ASIC2: variants seen among roughly 807,000 people sequenced by gnomAD.
ASIC2 encodes acid-sensing ion channel 2.
A neutral mutation model predicts 57.3 loss-of-function variants in ASIC2; 25 were observed. That is an observed-to-expected ratio of 0.44 (90% CI 0.32 to 0.61). The LOEUF (loss-of-function observed/expected upper bound fraction) is 0.61, where lower values mean the gene tolerates loss of function less well. ASIC2 is among the 20% of genes least tolerant of loss of function. ASIC2 has a pLI of 0.06. For synonymous variants in ASIC2, 319 were observed against 307.5 expected, an observed-to-expected ratio of 1.04 and a Z score of -0.39; for missense variants, 641 against 738.1, an observed-to-expected ratio of 0.87 and a Z score of 1.52.
intron 1 of ASIC2, among the ~76,000 whole-genome samples, chr17:33,506,580 G>T (rs1914270388): frequency 6.6e-6 from 1 of 152,188 alleles, no homozygotes. Flanking sequence ...GGGGGTGTGT[G>T]TGTGTGTACC....
intron 1 of ASIC2, among the ~76,000 whole-genome samples, chr17:33,421,072 A>G (rs893872895): frequency 1.6e-4 from 25 of 152,290 alleles, no homozygotes; most frequent in African/African-American, 5.8e-4. Context: ...TGGTAGAACA[A>G]AAAAGGTCAT....
intron 1 of ASIC2, among the ~76,000 whole-genome samples, chr17:34,010,414 A>G (rs1194181491): frequency 6.6e-6 from 1 of 152,186 alleles, no homozygotes; most frequent in Non-Finnish European, 1.5e-5. Flanking sequence ...CTGGGTGCTC[A>G]AGCTGTGCAC....
intron 1 of ASIC2, among the ~76,000 whole-genome samples, chr17:33,953,244 T>C (rs1399693952): frequency 6.6e-6 from 1 of 152,192 alleles, no homozygotes; most frequent in African/African-American, 2.4e-5. Context: ...ACACATTTTC[T>C]ACAATGAGCA....
intron 1 of ASIC2, among the ~76,000 whole-genome samples, chr17:34,026,001 A>G (rs4451997): frequency 0.48 from 72,769 of 152,058 alleles, 17,986 homozygotes; most frequent in East Asian, 0.66. Context: ...TGAAATGGGT[A>G]TGGTGGGTTT....
chr17:33,512,811 T>C lies in ASIC2; in HGVS notation c.556-400744A>G, dbSNP rs936118407. On this transcript the variant is annotated intron_variant, in intron 1 of 9. Coordinates refer to the ASIC2 transcript ENST00000359872. Reference sequence around the variant, plus strand: ...TCATCTCCAGCAAAAGGCCTGTCAATATTTACCCATGGGAGGGTGACCTCT... The same window carrying C: ...TCATCTCCAGCAAAAGGCCTGTCAACATTTACCCATGGGAGGGTGACCTCT... Among the ~76,000 whole-genome samples, 12 of 152,292 alleles carry C rather than the reference T, an allele frequency of 7.9e-5. No homozygotes were observed. In the East Asian group the frequency reaches 2.3e-3, roughly 29 times the overall value.
intron 1 of ASIC2, among the ~76,000 whole-genome samples, chr17:33,931,937 T>C (rs1018612340): frequency 3.3e-5 from 5 of 152,248 alleles, no homozygotes; most frequent in African/African-American, 1.2e-4. Context: ...AAAGGCTCTT[T>C]ATTCAAGTCT....
chr17:33,287,132 G>A (rs1318806916), intron 1 of ASIC2, among the ~76,000 whole-genome samples: 2 of 152,200 alleles, frequency 1.3e-5, no homozygotes, highest in African/African-American at 4.8e-5. Flanking sequence ...TGAATATTGA[G>A]CACCTACTGC....
chr17:33,304,208 T>C (rs995099618), intron 1 of ASIC2, among the ~76,000 whole-genome samples: 1 of 152,128 alleles, frequency 6.6e-6, no homozygotes, highest in Non-Finnish European at 1.5e-5. Context: ...TAAAAAGTAC[T>C]GAGTAAAAAA....
chr17:33,369,237 A>T (rs1908947563), intron 1 of ASIC2, among the ~76,000 whole-genome samples: 1 of 152,190 alleles, frequency 6.6e-6, no homozygotes, highest in South Asian at 2.1e-4. Flanking sequence ...GCAGACTCTG[A>T]CACATGGAGA....
intron 1 of ASIC2, among the ~76,000 whole-genome samples, chr17:33,859,157 G>C (rs566550514): frequency 1.1e-4 from 17 of 152,284 alleles, no homozygotes; most frequent in East Asian, 7.7e-4. Context: ...AAGCAAACTA[G>C]CTATAAAAAT....
chr17:33,961,976 AG>A (rs1322450059), intron 1 of ASIC2, among the ~76,000 whole-genome samples: 1 of 152,170 alleles, frequency 6.6e-6, no homozygotes, highest in Non-Finnish European at 1.5e-5. Flanking sequence ...CACATCACCA[AG>A]GAGGAATTCC....
intron 1 of ASIC2, among the ~76,000 whole-genome samples, chr17:33,388,287 T>C (rs1909769099): frequency 6.6e-6 from 1 of 152,216 alleles, no homozygotes; most frequent in African/African-American, 2.4e-5. Flanking sequence ...CCTGCTGATG[T>C]CTTAACTTCA....
chr17:33,948,438 CA>C (rs1276669808), intron 1 of ASIC2, among the ~76,000 whole-genome samples: 11 of 152,186 alleles, frequency 7.2e-5, no homozygotes, highest in African/African-American at 2.7e-4. Context: ...ATCACGGGCT[CA>C]GAGAGTTGAA....
At chr17:33,526,647 TC>T (rs1446986398) in intron 1 of ASIC2, among the ~76,000 whole-genome samples, 1,943 of 152,246 alleles carry the variant, frequency 0.013, no homozygotes, top group African/African-American at 0.045. Flanking sequence ...TTTGCTGCCC[TC>T]ATCAGGCCCT....
intron 1 of ASIC2, among the ~76,000 whole-genome samples, chr17:33,599,597 G>A (rs1315421118): frequency 6.6e-6 from 1 of 152,208 alleles, no homozygotes; most frequent in African/African-American, 2.4e-5. Flanking sequence ...GAGAGTGAAA[G>A]ACATTTGGCT....
chr17:33,972,650 A>G (rs540601521), intron 1 of ASIC2, among the ~76,000 whole-genome samples: 2 of 152,320 alleles, frequency 1.3e-5, no homozygotes, highest in South Asian at 2.1e-4. Context: ...GAAAAGCTCA[A>G]TTAGTTGTCT....
In ASIC2 at chr17:33,768,066, T is replaced by C. The variant is rs181525134; in HGVS notation, c.555+387912A>G. 1.3e-4 allele frequency among the ~76,000 whole-genome samples: 20 copies of C among 152,094 alleles called. No individual in the cohort carries two copies. The East Asian group carries it at 3.7e-3, about 28-fold the overall frequency. ...CTCTGTTGCCCAGGCTGGGGTGCAG[T>C]GGCGCGATCTCGGCTCACTGCAAGC... is the stretch of plus-strand genomic sequence containing the variant. On this transcript the variant is annotated intron_variant, in intron 1 of 9. Transcript: ENST00000359872.
chr17:33,702,208 AC>A (rs1908725207), intron 1 of ASIC2, among the ~76,000 whole-genome samples: 1 of 151,998 alleles, frequency 6.6e-6, no homozygotes, highest in African/African-American at 2.4e-5. Flanking sequence ...AAATGGTGAT[AC>A]CTCTCCCAAT....
chr17:33,203,830 A>G (rs1210852147), intron 1 of ASIC2, among the ~76,000 whole-genome samples: 1 of 152,186 alleles, frequency 6.6e-6, no homozygotes, highest in African/African-American at 2.4e-5. Context: ...GCCAGTGTCT[A>G]GCTGAGTAGG....
Sources: allele counts gnomAD v4.1 joint callset (sites outside exome capture counted in the v4.1 genomes callset), GRCh38; gene constraint gnomAD v4.1.1; transcripts MANE v1.5; gene names NCBI Gene and HGNC (gene_info 2026-07-23, HGNC 2026-07-21).